The following RORC variants were observed in gnomAD, a reference collection of about 807,000 sequenced individuals.
RORC encodes the protein RAR related orphan receptor C, also known as nuclear receptor ROR-gamma.
A neutral mutation model predicts 64.5 loss-of-function variants in RORC; 13 were observed. That is an observed-to-expected ratio of 0.20 (90% CI 0.13 to 0.32). The LOEUF is 0.32. Ranked by LOEUF, RORC falls within the 10% of genes least tolerant of loss-of-function variation. The probability of loss-of-function intolerance (pLI) is 1.00; values close to 1 mark genes in which losing one functional copy is unlikely to be tolerated. For missense variants in RORC, 468 were observed against 669.5 expected, an observed-to-expected ratio of 0.70 and a Z score of 3.32; for synonymous variants, 277 against 259.3, an observed-to-expected ratio of 1.07 and a Z score of -0.65.
At chr1:151,821,854 C>A (rs1191983647) in intron 2 of RORC, among the ~76,000 whole-genome samples, 1 of 152,148 alleles carries the variant, frequency 6.6e-6, no homozygotes, top group Non-Finnish European at 1.5e-5. Context: ...AGCCAGGACT[C>A]CTGTTTGTAT....
At chr1:151,819,424 G>A (rs748131623) in intron 2 of RORC, among the ~76,000 whole-genome samples, 55 of 152,204 alleles carry the variant, frequency 3.6e-4, no homozygotes, top group Non-Finnish European at 6.9e-4. Flanking sequence ...GCCTGGCAAG[G>A]CTGAGAGGAG....
intron 5 of RORC, 79 bp from the exon 6 acceptor site, chr1:151,814,774 G>C: frequency 6.4e-7 from 1 of 1,557,428 alleles, no homozygotes; most frequent in Non-Finnish European, 8.7e-7. Context: ...TCTCAGCCTG[G>C]CCTATCCTGC....
intron 10 of RORC, among the ~76,000 whole-genome samples, chr1:151,808,981 G>A (rs1031750089): frequency 4.6e-5 from 7 of 152,184 alleles, no homozygotes; most frequent in African/African-American, 1.4e-4. Flanking sequence ...TGCAATGGGT[G>A]TTTGAAGGGG....
At chr1:151,810,377 A>G (rs557560325) in intron 10 of RORC, among the ~76,000 whole-genome samples, 1 of 151,840 alleles carries the variant, frequency 6.6e-6, no homozygotes, top group Non-Finnish European at 1.5e-5. Context: ...TTTACCCCCA[A>G]ATTATTTTTA....
chr1:151,816,580 G>T, intron 4 of RORC, 84 bp downstream of exon 4: 2 of 1,399,696 alleles, frequency 1.4e-6, no homozygotes, highest in South Asian at 1.4e-5. Flanking sequence ...CGTCTTGCAG[G>T]TTAAGCCTTG....
chr1:151,815,134 C>G lies in RORC; in HGVS notation c.590G>C (p.Gly197Ala). ...GCTGTATTCAAGGTGGCATGAGGCCCCATTGAGCCCTGCCTTGGCCAAGTT... is the reference window on the plus strand; with the variant it reads ...GCTGTATTCAAGGTGGCATGAGGCCGCATTGAGCCCTGCCTTGGCCAAGTT... ...SNNLAKAGLN[G>A]ASCHLEYSPE... Residue 197 changes from glycine (G) to alanine (A), a missense_variant, in exon 5 of 11, where the codon GGG becomes GCG. By Grantham distance (60) the Gly-to-Ala change is moderately conservative. Coordinates refer to ENST00000318247, the MANE Select transcript of RORC (RefSeq NM_005060.4). 3.7e-6 allele frequency: 6 copies of G among 1,614,108 alleles called. No individual in the cohort carries two copies. Among genetic ancestry groups the G allele is most frequent in the Non-Finnish European group, 5.1e-6 (6 of 1,179,968 alleles).
At chr1:151,820,147 T>C (rs1457741616) in intron 2 of RORC, among the ~76,000 whole-genome samples, 1 of 151,988 alleles carries the variant, frequency 6.6e-6, no homozygotes, top group Admixed American at 6.5e-5. Context: ...CTCCTTCCCC[T>C]GCCACCTGCA....
intron 2 of RORC, chr1:151,826,080 C>A: frequency 6.7e-7 from 1 of 1,485,436 alleles, no homozygotes; most frequent in South Asian, 1.4e-5. Flanking sequence ...AGCTCTCTCC[C>A]CCAGTGCTTC....
rs2101653862 is a variant in RORC, at chr1:151,811,440, G to A, written c.1286-6C>T. ...CTCTTGGAGCCCTGGCCGATCTGGA[G>A]GAGGGGGTGGGACCGTAATGAGAAC... On this transcript the variant is annotated splice_polypyrimidine_tract_variant and splice_region_variant and intron_variant, in intron 9 of 10. Transcript: ENST00000318247. The A allele has an allele frequency of 1.9e-6, 3 of 1,574,460 alleles. No individual in the cohort carries two copies. In the East Asian group the frequency reaches 6.7e-5, roughly 35 times the overall value.
In RORC at chr1:151,817,179, C is replaced by A. The variant is rs1282094495; in HGVS notation, c.156+16G>T. ...GCACACGCACACATGCATGCATACA[C>A]ATGCCTATGACTCACCTTGCACCCC... On this transcript the variant is annotated intron_variant, in intron 3 of 10. Coordinates refer to ENST00000318247, the MANE Select transcript of RORC (RefSeq NM_005060.4). 6.3e-7 allele frequency: 1 copy of A among 1,583,648 alleles called. No homozygotes were observed. Among genetic ancestry groups the A allele is most frequent in the Non-Finnish European group, 8.7e-7 (1 of 1,152,236 alleles).
chr1:151,810,779 C>T (rs182540507), intron 10 of RORC, among the ~76,000 whole-genome samples: 1,665 of 152,252 alleles, frequency 0.011, 41 homozygotes, highest in African/African-American at 0.038. Flanking sequence ...GTGATCCACC[C>T]GCCTTGGCCT....
chr1:151,819,669 G>A (rs1434007111), intron 2 of RORC, among the ~76,000 whole-genome samples: 2 of 152,172 alleles, frequency 1.3e-5, no homozygotes, highest in Non-Finnish European at 2.9e-5. Flanking sequence ...GCGTGCGTGT[G>A]TGTGCTGACC....
chr1:151,824,004 T>G (rs913725591), intron 2 of RORC, among the ~76,000 whole-genome samples: 1 of 152,180 alleles, frequency 6.6e-6, no homozygotes. Context: ...TCTCCCTAGG[T>G]GTTCCAGAAA....
chr1:151,815,538 C>T (rs1419301294), intron 4 of RORC, 113 bp from the exon 5 acceptor site: 1 of 1,350,490 alleles, frequency 7.4e-7, no homozygotes, highest in African/African-American at 1.5e-5. Context: ...GAATGGCTGA[C>T]TCCAAGCACA....
chr1:151,811,510 T>C, intron 9 of RORC, 76 bp from the exon 10 acceptor site: 1 of 861,556 alleles, frequency 1.2e-6, no homozygotes, highest in Non-Finnish European at 1.9e-6. Flanking sequence ...GGTGTATCTT[T>C]GTGGACATCT....
chr1:151,814,787 C>A, intron 5 of RORC, 92 bp from the exon 6 acceptor site: 1 of 1,544,738 alleles, frequency 6.5e-7, no homozygotes, highest in Non-Finnish European at 8.8e-7. Flanking sequence ...TATCCTGCTC[C>A]GCCTCCTCCC....
rs201629608 is a variant in RORC, at chr1:151,813,295, T to C, written c.1118A>G (p.Asn373Ser). ...TTTGCCTTCAAAAAAGACCGTGCGG[T>C]TGTCAGCATTGTAGGCCCGGCACAT... ...VRMCRAYNADNRTVFFEGKYG... is the reference protein window; with the variant it reads ...VRMCRAYNADSRTVFFEGKYG... Residue 373 changes from asparagine (N) to serine (S), a missense_variant, in exon 8 of 11, where the codon AAC (asparagine) becomes AGC (serine). Physicochemically the swap from Asn to Ser is conservative, Grantham distance 46. Coordinates refer to ENST00000318247, the MANE Select transcript of RORC (RefSeq NM_005060.4). The C allele has an allele frequency of 1.2e-4, 194 of 1,614,036 alleles. No individual in the cohort carries two copies. The highest frequency in any genetic ancestry group is 6.7e-5 in the Non-Finnish European group (79 of 1,179,996).
intron 10 of RORC, among the ~76,000 whole-genome samples, chr1:151,809,137 G>T (rs931085930): frequency 1.3e-5 from 2 of 152,186 alleles, no homozygotes; most frequent in Non-Finnish European, 2.9e-5. Flanking sequence ...GGTGGTTCAC[G>T]CCTGTAATCC....
chr1:151,829,695 G>A lies in RORC; in HGVS notation c.41-237C>T, dbSNP rs527755030. Among the ~76,000 whole-genome samples the A allele has an allele frequency of 2.2e-3, 334 of 152,304 alleles. 2 individuals carry two copies. The highest frequency in any genetic ancestry group is 7.7e-3 in the African/African-American group (321 of 41,564). On this transcript the variant is annotated intron_variant, in intron 1 of 10. Coordinates refer to ENST00000318247, the MANE Select transcript of RORC (RefSeq NM_005060.4). ...CTCACTGCCTCTGGGACTCCCCCAA[G>A]CTGCTCCTTTGCCTAGAATGCCTGT...
Sources: allele counts gnomAD v4.1 joint callset (sites outside exome capture counted in the v4.1 genomes callset), GRCh38; gene constraint gnomAD v4.1.1; transcripts MANE v1.5; gene names NCBI Gene and HGNC (gene_info 2026-07-23, HGNC 2026-07-21).